The following ZNF670 variants were observed in gnomAD, a reference collection of about 807,000 sequenced individuals.
ZNF670 encodes the protein zinc finger protein 670.
ZNF670 carries 7 observed loss-of-function variants against 10.9 expected under a neutral mutation model. That is an observed-to-expected ratio of 0.64 (90% CI 0.36 to 1.20). The LOEUF (loss-of-function observed/expected upper bound fraction) is 1.20, where lower values mean the gene tolerates loss of function less well. Among genes scored for constraint, ZNF670 ranks in the 50% most tolerant of loss-of-function variants. ZNF670 has a pLI of 0.02. For missense variants in ZNF670, 446 were observed against 458.6 expected, an observed-to-expected ratio of 0.97 and a Z score of 0.25; for synonymous variants, 136 against 152.7, an observed-to-expected ratio of 0.89 and a Z score of 0.81.
intron 1 of ZNF670, 44 bp downstream of exon 1, chr1:247,078,550 G>T (rs1005655506): frequency 2.5e-6 from 4 of 1,613,038 alleles, no homozygotes; most frequent in Non-Finnish European, 3.4e-6. Context: ...GCTTCCTGGC[G>T]GTTCCCTTTT....
At chr1:247,064,825 G>A (rs1355625073) in intron 1 of ZNF670, among the ~76,000 whole-genome samples, 1 of 151,660 alleles carries the variant, frequency 6.6e-6, no homozygotes, top group East Asian at 1.9e-4. Flanking sequence ...TTTTATTTTT[G>A]ACTGGGTCTC....
intron 1 of ZNF670, among the ~76,000 whole-genome samples, chr1:247,044,470 A>AAT (rs764368580): frequency 6.6e-6 from 1 of 152,198 alleles, no homozygotes; most frequent in Non-Finnish European, 1.5e-5. Flanking sequence ...CACCCAAAGG[A>AAT]ATATAAGTTG....
intron 1 of ZNF670, among the ~76,000 whole-genome samples, chr1:247,068,502 G>A (rs1671044473): frequency 6.7e-6 from 1 of 150,280 alleles, no homozygotes; most frequent in African/African-American, 2.5e-5. Context: ...CCAAAAGACA[G>A]GCAATAGCAA....
intron 1 of ZNF670, among the ~76,000 whole-genome samples, chr1:247,068,319 C>CAAAAAAAAAAAAAAAAAAAAAAAAAAA (rs74163724): frequency 5.4e-4 from 30 of 55,266 alleles, no homozygotes; most frequent in African/African-American, 8.2e-4. Flanking sequence ...ATTCTGTCTC[C>CAAAAAAAAAAAAAAAAAAAAAAAAAAA]AAAAAAAAAA....
In ZNF670 at chr1:247,078,697, G is replaced by T. The variant is rs1671314791; in HGVS notation, c.-101C>A. 1 of 1,355,812 alleles carries T rather than the reference G, an allele frequency of 7.4e-7. No individual in the cohort carries two copies. The highest frequency in any genetic ancestry group is 1.4e-5 in the African/African-American group (1 of 69,274). The allele number at this position is 1,355,812 out of a possible 1,614,324, so 84.0% of individuals were successfully genotyped here. On this transcript the variant is annotated 5_prime_UTR_variant, in exon 1 of 4. Transcript: ENST00000366503. ...CGCGGGACCACTTGGACCTCCCAGGGATAAGGGGAAGGAGCAGCGGAGACG... is the reference window on the plus strand; with the variant it reads ...CGCGGGACCACTTGGACCTCCCAGGTATAAGGGGAAGGAGCAGCGGAGACG...
chr1:247,048,161 G>A (rs1250980740), intron 1 of ZNF670, among the ~76,000 whole-genome samples: 1 of 151,564 alleles, frequency 6.6e-6, no homozygotes, highest in Non-Finnish European at 1.5e-5. Flanking sequence ...ACCTTTTTTT[G>A]AATGCATAAA....
intron 1 of ZNF670, among the ~76,000 whole-genome samples, chr1:247,060,398 C>A (rs896812553): frequency 1.3e-5 from 2 of 152,196 alleles, no homozygotes; most frequent in Non-Finnish European, 2.9e-5. Flanking sequence ...AAATGTTGAA[C>A]ACCTGGACAT....
intron 1 of ZNF670, among the ~76,000 whole-genome samples, chr1:247,042,271 C>T (rs561361917): frequency 6.6e-6 from 1 of 152,298 alleles, no homozygotes; most frequent in African/African-American, 2.4e-5. Flanking sequence ...AAAGTACACA[C>T]CAGATACCAG....
chr1:247,054,070 G>A (rs896991043), intron 1 of ZNF670, among the ~76,000 whole-genome samples: 12 of 152,228 alleles, frequency 7.9e-5, no homozygotes, highest in Non-Finnish European at 1.8e-4. Flanking sequence ...TTGGAATGTA[G>A]TGCTGCCAAC....
intron 1 of ZNF670, among the ~76,000 whole-genome samples, chr1:247,052,845 T>C (rs959347181): frequency 2.6e-5 from 4 of 152,144 alleles, no homozygotes; most frequent in African/African-American, 7.2e-5. Flanking sequence ...GGTGGGGTCA[T>C]AGAGTTCTCA....
chr1:247,038,246 G>A lies in ZNF670; in HGVS notation c.373C>T (p.His125Tyr). Residue 125 changes from histidine to tyrosine, a missense_variant, in exon 4 of 4, where the codon CAC (histidine) becomes TAC (tyrosine). By Grantham distance (83) the His-to-Tyr change is moderately conservative (BLOSUM62 2). Coordinates refer to ENST00000366503, the MANE Select transcript of ZNF670 (RefSeq NM_033213.5). ...HSALHRHILS[H>Y]IGNKLFECEE... ...CACTCAAATAGTTTGTTTCCAATGT[G>A]AGACAGGATGTGCCTATGAAGGGCT... 6.2e-7 allele frequency: 1 copy of A among 1,614,162 alleles called. No homozygotes were observed. The highest frequency in any genetic ancestry group is 8.5e-7 in the Non-Finnish European group (1 of 1,180,030).
In ZNF670 at chr1:247,037,484, A is replaced by G. The variant is rs1406037301; in HGVS notation, c.1135T>C (p.Ser379Pro). 6.2e-7 allele frequency: 1 copy of G among 1,613,378 alleles called. No individual in the cohort carries two copies. Among genetic ancestry groups the G allele is most frequent in the African/African-American group, 1.3e-5 (1 of 74,848 alleles). ...KCGKAFSCSS[S>P]LRKHERAYMW ...TAAGCTCTTTCATGCTTTCGAAGGG[A>G]ACTGGAACAACTGAAGGCTTTACCA... The change falls in exon 4 of 4, where the codon TCC becomes CCC. Residue 379 changes from serine (S) to proline (P), a missense_variant. Ser to Pro is a moderately conservative substitution (Grantham distance 74, BLOSUM62 -1). Coordinates refer to ENST00000366503, the MANE Select transcript of ZNF670 (RefSeq NM_033213.5).
At position 247,036,463 on chromosome 1, in the gene ZNF670, G is replaced by A. The variant is rs1670152778; in HGVS notation, c.*986C>T. Among the ~76,000 whole-genome samples, 1 of 152,088 alleles carries A rather than the reference G, an allele frequency of 6.6e-6. No individual in the cohort carries two copies. Among genetic ancestry groups the A allele is most frequent in the African/African-American group, 2.4e-5 (1 of 41,418 alleles). On this transcript the variant is annotated 3_prime_UTR_variant, in exon 4 of 4. Transcript: ENST00000366503. ...AGGCCAGGAATTCAATACCAGCCTA[G>A]ACAATACAGCGAGATCCCATCTCTA...
chr1:247,071,807 A>T (rs1473073201), intron 1 of ZNF670, among the ~76,000 whole-genome samples: 2 of 152,096 alleles, frequency 1.3e-5, no homozygotes, highest in Non-Finnish European at 2.9e-5. Flanking sequence ...TAAATTGGGT[A>T]AAATACCTAT....
Position 247,037,547 on chromosome 1 carries a change from T to C in ZNF670, c.1072A>G (p.Thr358Ala), listed in dbSNP as rs757674232. ...TCATAGGGTTTTTCTCCAGTATGAGTCCTTTCATGGCTTCGAAGGGCACTG... is the reference window on the plus strand; with the variant it reads ...TCATAGGGTTTTTCTCCAGTATGAGCCCTTTCATGGCTTCGAAGGGCACTG... ...SSSALRSHER[T>A]HTGEKPYECK... Residue 358 changes from threonine to alanine, a missense_variant, in exon 4 of 4, where the codon ACT (threonine) becomes GCT (alanine). Thr to Ala is a moderately conservative substitution (Grantham distance 58, BLOSUM62 0). Transcript: ENST00000366503. 1 of 1,614,028 alleles carries C rather than the reference T, an allele frequency of 6.2e-7. No individual in the cohort carries two copies. The highest frequency in any genetic ancestry group is 8.5e-7 in the Non-Finnish European group (1 of 1,179,978).
At chr1:247,045,003 A>C (rs952158709) in intron 1 of ZNF670, among the ~76,000 whole-genome samples, 3 of 152,228 alleles carry the variant, frequency 2.0e-5, no homozygotes, top group Non-Finnish European at 4.4e-5. Context: ...AAGGCAAATA[A>C]ATTTAACTAA....
At chr1:247,050,916 CT>C (rs1004913015) in intron 1 of ZNF670, among the ~76,000 whole-genome samples, 3 of 151,244 alleles carry the variant, frequency 2.0e-5, no homozygotes, top group South Asian at 2.1e-4. Flanking sequence ...GGTTTTTTTT[CT>C]TTTTTTTCAT....
intron 1 of ZNF670, among the ~76,000 whole-genome samples, chr1:247,062,731 TTC>T (rs1334054314): frequency 6.6e-6 from 1 of 152,226 alleles, no homozygotes; most frequent in Non-Finnish European, 1.5e-5. Flanking sequence ...TGGGTTTCCC[TTC>T]TCTGTTAATA....
chr1:247,073,351 T>G (rs532751922), intron 1 of ZNF670, among the ~76,000 whole-genome samples: 206 of 152,170 alleles, frequency 1.4e-3, no homozygotes, highest in Non-Finnish European at 2.0e-3. Flanking sequence ...TGGGGGCCAC[T>G]CTCAAGGTGG....
Sources: gnomAD v4.1 joint callset for allele counts (sites outside exome capture counted in the v4.1 genomes callset) on GRCh38, gnomAD v4.1.1 for gene constraint, MANE v1.5 for transcripts, NCBI Gene and HGNC (gene_info 2026-07-23, HGNC 2026-07-21) for gene names.